Variants in ATAD3B observed in about 807,000 individuals in gnomAD.
ATAD3B encodes the protein ATPase family AAA domain containing 3B.
A neutral mutation model predicts 70.2 loss-of-function variants in ATAD3B; 59 were observed. That is an observed-to-expected ratio of 0.84 (90% CI 0.68 to 1.04). ATAD3B has a LOEUF of 1.04. Ranked by LOEUF, ATAD3B falls within the 50% of genes least tolerant of loss-of-function variation. The probability of loss-of-function intolerance (pLI) is 0.00; values close to 1 mark genes in which losing one functional copy is unlikely to be tolerated. For synonymous variants in ATAD3B, 423 were observed against 388.6 expected (o/e 1.09, Z -1.04); for missense variants, 961 against 913.4 (o/e 1.05, Z -0.67).
intron 12 of ATAD3B, 72 bp downstream of exon 12, chr1:1,487,986 G>C: frequency 1.3e-6 from 2 of 1,588,070 alleles, no homozygotes; most frequent in East Asian, 2.2e-5. Context: ...CCTGGGCCAG[G>C]CTGCAGCCCT....
At chr1:1,500,754 C>T (rs1427624812), downstream of ATAD3B, among the ~76,000 whole-genome samples, 1 of 151,202 alleles carries the variant, frequency 6.6e-6, no homozygotes, top group Non-Finnish European at 1.5e-5. Context: ...GAGATCGAGA[C>T]CATCCTGGCT....
chr1:1,494,292 C>T (rs1456330733), intron 15 of ATAD3B, among the ~76,000 whole-genome samples: 1 of 152,110 alleles, frequency 6.6e-6, no homozygotes, highest in Middle Eastern at 3.4e-3. Context: ...TGCGTAGCCC[C>T]TCTCCTCTGC....
At position 1,477,046 on chromosome 1, in the gene ATAD3B, A is replaced by T. The variant is rs938699042; in HGVS notation, c.206-228A>T. On this transcript the variant is annotated intron_variant, in intron 1 of 15. Transcript: ENST00000673477. ...GGAGATTTTATTTTTCTTAAGTCTC[A>T]CTCTGTCCAGCTGGAGTGCAGCAGT... is the stretch of plus-strand genomic sequence containing the variant. Among the ~76,000 whole-genome samples, 2 of 151,016 alleles carry T rather than the reference A, an allele frequency of 1.3e-5. 1 individual carries two copies. The highest frequency in any genetic ancestry group is 3.0e-5 in the Non-Finnish European group (2 of 67,794).
chr1:1,487,962 G>A, intron 12 of ATAD3B, 48 bp downstream of exon 12: 1 of 1,607,850 alleles, frequency 6.2e-7, no homozygotes, highest in East Asian at 2.2e-5. Flanking sequence ...TGGTCGGGTG[G>A]GCGCGGCTGT....
At chr1:1,484,102 C>G (rs1181744799) in intron 7 of ATAD3B, 2 of 152,084 alleles carry the variant, frequency 1.3e-5, no homozygotes, top group East Asian at 3.9e-4. Context: ...AGAGAAGAAT[C>G]TGAACTTCAA....
rs745628384 is a variant in ATAD3B at position 1,495,660 on chromosome 1, G to C, written c.1790G>C (p.Ser597Thr). Residue 597 changes from serine (S) to threonine (T), a missense_variant, in exon 16 of 16, where the codon AGC (serine) becomes ACC (threonine). Transcript: ENST00000673477. ...CAAGGCGAGACCCTCACCTCATGGAGCCTGGCCACGGACCCCTCCTACCCC... is the reference window on the plus strand; with the variant it reads ...CAAGGCGAGACCCTCACCTCATGGACCCTGGCCACGGACCCCTCCTACCCC... Reference protein sequence around the residue: ...GVQGETLTSWSLATDPSYPCL... With the variant: ...GVQGETLTSWTLATDPSYPCL... The C allele has an allele frequency of 1.2e-6, 2 of 1,612,964 alleles. No individual in the cohort carries two copies. The highest frequency in any genetic ancestry group is 1.1e-5 in the South Asian group (1 of 90,994).
chr1:1,476,075 C>T (rs1197656124), intron 1 of ATAD3B, among the ~76,000 whole-genome samples: 2 of 139,922 alleles, frequency 1.4e-5, no homozygotes, highest in South Asian at 2.4e-4. Context: ...CTTGGCTTCC[C>T]GAGTTTAGCA....
rs540782479 is a variant in ATAD3B at position 1,477,343 on chromosome 1, A to G, written c.275A>G (p.Lys92Arg). The change falls in exon 2 of 16, where the codon AAG (lysine) becomes AGG (arginine). Residue 92 changes from lysine to arginine, a missense_variant. Physicochemically the swap from Lys to Arg is conservative, Grantham distance 26. Coordinates refer to ENST00000673477, the MANE Select transcript of ATAD3B (RefSeq NM_031921.6). ...EQTLQLEQQSKLKEYEAAVEQ... is the reference protein window; with the variant it reads ...EQTLQLEQQSRLKEYEAAVEQ... The stretch of plus-strand genomic sequence containing the variant: ...ACGCTGCAGTTGGAGCAACAGTCCA[A>G]GCTCAAAGTGAGTGGGGCCGGTGTG... 707 of 1,612,150 alleles carry G rather than the reference A, an allele frequency of 4.4e-4. 17 individuals are homozygous for G. The South Asian group carries it at 7.1e-3, about 16-fold the overall frequency.
chr1:1,485,538 G>T (rs544369975), intron 8 of ATAD3B, among the ~76,000 whole-genome samples: 1 of 152,234 alleles, frequency 6.6e-6, no homozygotes, highest in East Asian at 1.9e-4. Context: ...TGAGGTGCCT[G>T]CTCTCCACAG....
chr1:1,480,513 G>T (rs1303807536), intron 4 of ATAD3B, among the ~76,000 whole-genome samples: 1 of 147,652 alleles, frequency 6.8e-6, no homozygotes, highest in Non-Finnish European at 1.5e-5. Context: ...CATGTTGCCT[G>T]TTGTGGGCAT....
chr1:1,489,636 T>G, intron 13 of ATAD3B: 1 of 1,344,792 alleles, frequency 7.4e-7, no homozygotes, highest in Non-Finnish European at 9.9e-7. Flanking sequence ...CCAGGCTCCC[T>G]CTTCCCTCCC....
In ATAD3B at chr1:1,485,347, C is replaced by G. The variant is rs189699747; in HGVS notation, c.906+176C>G. Among the ~76,000 whole-genome samples, 49 of 152,242 alleles carry G rather than the reference C, an allele frequency of 3.2e-4. 1 individual carries two copies. The Middle Eastern group carries it at 0.014, about 42-fold the overall frequency. ...GGCGCTGTACCTTAGGGGTCTGCAT[C>G]AGTGAGACCCTTCCCCTGTCTGCCT... On this transcript the variant is annotated intron_variant, in intron 8 of 15. Coordinates refer to ENST00000673477, the MANE Select transcript of ATAD3B (RefSeq NM_031921.6).
At chr1:1,498,707 CTGTT>C (rs1220294521), downstream of ATAD3B, among the ~76,000 whole-genome samples, 1 of 151,058 alleles carries the variant, frequency 6.6e-6, no homozygotes, top group Non-Finnish European at 1.5e-5. Flanking sequence ...CGCGCCCGGC[CTGTT>C]TGTTTTTTTC....
At chr1:1,479,193 G>A (rs964392526) in intron 4 of ATAD3B, 85 bp downstream of exon 4, 10 of 1,405,276 alleles carry the variant, frequency 7.1e-6, no homozygotes, top group African/African-American at 5.3e-5. Context: ...CAGAGGCCAC[G>A]GGGCAAGAAC....
chr1:1,472,541 G>A (rs1053402810), intron 1 of ATAD3B, among the ~76,000 whole-genome samples: 2 of 151,990 alleles, frequency 1.3e-5, no homozygotes, highest in African/African-American at 2.4e-5. Context: ...GAGACTAGCA[G>A]ATTTGCACTT....
At chr1:1,476,056 G>A (rs1437599129) in intron 1 of ATAD3B, among the ~76,000 whole-genome samples, 61 of 142,196 alleles carry the variant, frequency 4.3e-4, no homozygotes, top group African/African-American at 1.5e-3. Flanking sequence ...GCCCGGGGTC[G>A]CTTCAGCCCT....
rs1639374239 is a variant in ATAD3B, at chr1:1,472,331, C to T, written c.205+242C>T. 1.3e-5 allele frequency among the ~76,000 whole-genome samples: 2 copies of T among 151,888 alleles called. 1 individual carries two copies. The highest frequency in any genetic ancestry group is 2.9e-5 in the Non-Finnish European group (2 of 67,950). On this transcript the variant is annotated intron_variant, in intron 1 of 15. Transcript: ENST00000673477. Reference sequence around the variant, plus strand: ...GGTGCGAAAAGCGGTGCGGAGGTGGCGCTCATAGGTTACAGGGGTCAGGGT... The same window carrying T: ...GGTGCGAAAAGCGGTGCGGAGGTGGTGCTCATAGGTTACAGGGGTCAGGGT...
At chr1:1,498,115 C>T (rs6688651), downstream of ATAD3B, among the ~76,000 whole-genome samples, 10,057 of 151,396 alleles carry the variant, frequency 0.066, 1,121 homozygotes, top group African/African-American at 0.23. Flanking sequence ...CCAGCCCGGC[C>T]AATGTGGTGA....
chr1:1,505,918 C>T, the ATAD3B span, among the ~76,000 whole-genome samples: 81 of 152,296 alleles, frequency 5.3e-4, no homozygotes, highest in Non-Finnish European at 9.0e-4. Context: ...CTCGTGCCCT[C>T]GGTCTCTTGC....
Sources: gnomAD v4.1 joint callset for allele counts (sites outside exome capture counted in the v4.1 genomes callset) on GRCh38, gnomAD v4.1.1 for gene constraint, MANE v1.5 for transcripts, NCBI Gene and HGNC (gene_info 2026-07-23, HGNC 2026-07-21) for gene names.